PGAP1: variants seen among roughly 807,000 people sequenced by gnomAD.
PGAP1 encodes GPI inositol-deacylase.
A neutral mutation model predicts 127.0 loss-of-function variants in PGAP1; 76 were observed. That is an observed-to-expected ratio of 0.60 (90% CI 0.50 to 0.72). PGAP1 has a LOEUF of 0.72. Ranked by LOEUF, PGAP1 falls within the 30% of genes least tolerant of loss-of-function variation. The pLI is 0.00. For missense variants in PGAP1, 982 were observed against 1,071.3 expected, an observed-to-expected ratio of 0.92 and a Z score of 1.16; for synonymous variants, 362 against 366.5, an observed-to-expected ratio of 0.99 and a Z score of 0.14.
chr2:196,874,787 G>A (rs752197860), intron 14 of PGAP1, among the ~76,000 whole-genome samples: 3 of 152,192 alleles, frequency 2.0e-5, no homozygotes, highest in African/African-American at 7.2e-5. Flanking sequence ...GCCAAGGCAT[G>A]CTGATTTCTT....
rs751714162 is a variant in PGAP1, at chr2:196,865,050, C to A, written c.1798G>T (p.Ala600Ser). 1 of 1,568,818 alleles carries A rather than the reference C, an allele frequency of 6.4e-7. No homozygotes were observed. Among genetic ancestry groups the A allele is most frequent in the South Asian group, 1.2e-5 (1 of 80,900 alleles). Residue 600 changes from alanine to serine, a missense_variant, in exon 20 of 27, where the codon GCT (alanine) becomes TCT (serine). Coordinates refer to ENST00000354764, the MANE Select transcript of PGAP1 (RefSeq NM_024989.4). Reference sequence around the variant, plus strand: ...AGAAGGATATTAGATACGACATAAGCAGGAAGAGCTCCACCATGAAATCTA... The same window carrying A: ...AGAAGGATATTAGATACGACATAAGAAGGAAGAGCTCCACCATGAAATCTA... Reference protein sequence around the residue: ...VVRFHGGALPAYVVSNILLAY... With the variant: ...VVRFHGGALPSYVVSNILLAY...
chr2:196,923,358 T>C (rs963796292), intron 1 of PGAP1, among the ~76,000 whole-genome samples: 2 of 152,214 alleles, frequency 1.3e-5, no homozygotes, highest in Non-Finnish European at 2.9e-5. Context: ...TTGCATCTTC[T>C]CTAAAGCCTT....
At position 196,897,143 on chromosome 2, in the gene PGAP1, A is replaced by G. The variant is rs755746975; in HGVS notation, c.915T>C (p.Ala305=). ...TVRAFFDLID[A]DTKQITQNSK... ...TAAAAATACATACTTGTTTAGTATC[A>G]GCATCAATAAGATCAAAGAATGCTC... Residue 305 remains alanine (A), a synonymous_variant, in exon 7 of 27, where the codon GCT becomes GCC. Coordinates refer to ENST00000354764, the MANE Select transcript of PGAP1 (RefSeq NM_024989.4). 4 of 1,565,130 alleles carry G rather than the reference A, an allele frequency of 2.6e-6. No homozygotes were observed. The highest frequency in any genetic ancestry group is 2.7e-5 in the African/African-American group (2 of 73,396).
At chr2:196,891,476 G>A (rs1702099188) in intron 9 of PGAP1, among the ~76,000 whole-genome samples, 2 of 152,088 alleles carry the variant, frequency 1.3e-5, no homozygotes, top group African/African-American at 4.8e-5. Context: ...AATATGGAAC[G>A]ATTTTAGTAT....
Position 196,844,590 on chromosome 2 carries a change from T to C in PGAP1, c.2287-16A>G. 6.4e-7 allele frequency: 1 copy of C among 1,563,976 alleles called. No homozygotes were observed. Among genetic ancestry groups the C allele is most frequent in the African/African-American group, 1.4e-5 (1 of 72,972 alleles). ...GATGAACAACCTAAGAAAAATAAAT[T>C]GCTCTTTAATTTTACTTTTATTTTG... On this transcript the variant is annotated splice_polypyrimidine_tract_variant and intron_variant, in intron 23 of 26. Coordinates refer to ENST00000354764, the MANE Select transcript of PGAP1 (RefSeq NM_024989.4).
chr2:196,845,896 A>G lies in PGAP1; in HGVS notation c.2272T>C (p.Tyr758His), dbSNP rs1254451848. The change falls in exon 23 of 27, where the codon TAC becomes CAC. Residue 758 changes from tyrosine to histidine, a missense_variant. Coordinates refer to ENST00000354764, the MANE Select transcript of PGAP1 (RefSeq NM_024989.4). ...GALAILLSYL[Y>H]YVFKVVHLQA... ...ATTTGACATACCTTAAACACATAGT[A>G]AAGATAAGAAAGAAGTATGGCTAGT... is the stretch of plus-strand genomic sequence containing the variant. 2 of 1,607,730 alleles carry G rather than the reference A, an allele frequency of 1.2e-6. No homozygotes were observed. The highest frequency in any genetic ancestry group is 4.5e-5 in the East Asian group (2 of 44,648).
At position 196,873,546 on chromosome 2, in the gene PGAP1, T is replaced by C. The variant is rs777913243; in HGVS notation, c.1534A>G (p.Lys512Glu). 1.2e-6 allele frequency: 2 copies of C among 1,610,394 alleles called. No homozygotes were observed. Among genetic ancestry groups the C allele is most frequent in the Admixed American group, 3.3e-5 (2 of 59,786 alleles). ...YQAFKINVVS[K>E]CSAVKEEITS... ...TATTTACCTTTGACTGCTGAGCACT[T>C]GCTTACCACGTTGATTTTAAAAGCT... is the stretch of plus-strand genomic sequence containing the variant. Residue 512 changes from lysine to glutamate, a missense_variant, in exon 16 of 27, where the codon AAG becomes GAG. Transcript: ENST00000354764.
At chr2:196,895,765 C>T (rs1041796160) in intron 7 of PGAP1, among the ~76,000 whole-genome samples, 5 of 152,070 alleles carry the variant, frequency 3.3e-5, no homozygotes, top group African/African-American at 9.7e-5. Flanking sequence ...AGGTGCTTTC[C>T]TCATTGTTAA....
chr2:196,878,926 G>A (rs1701643940), intron 13 of PGAP1, among the ~76,000 whole-genome samples: 1 of 152,190 alleles, frequency 6.6e-6, no homozygotes, highest in Admixed American at 6.5e-5. Context: ...AGGACAATTA[G>A]GGAACAGAAT....
Position 196,840,978 on chromosome 2 carries a change from CA to C in PGAP1, c.*255del, listed in dbSNP as rs1700395444. On this transcript the variant is annotated 3_prime_UTR_variant, in exon 27 of 27. Transcript: ENST00000354764. ...ACTATTTTATATGCACAGGAGTCCT[CA>C]ATGATAGTGATCACCATATATCCCT... is the stretch of plus-strand genomic sequence containing the variant. 2 of 339,090 alleles carry C rather than the reference CA, an allele frequency of 5.9e-6. No individual in the cohort carries two copies. The highest frequency in any genetic ancestry group is 1.1e-5 in the Non-Finnish European group (2 of 187,844). The allele number at this position is 339,090 out of a possible 1,614,324, so 21.0% of individuals were successfully genotyped here. A position where few individuals can be genotyped will look rare whatever the true frequency, so the allele number is the denominator to read the frequency against.
intron 2 of PGAP1, among the ~76,000 whole-genome samples, chr2:196,917,489 T>C (rs1394184086): frequency 2.0e-5 from 3 of 152,208 alleles, no homozygotes; most frequent in African/African-American, 7.2e-5. Context: ...CTGTGCCTAC[T>C]GGCAGTCACT....
rs746596399 is a variant in PGAP1, at chr2:196,890,888, T to C, written c.1113A>G (p.Thr371=). 37 of 1,520,060 alleles carry C rather than the reference T, an allele frequency of 2.4e-5. No homozygotes were observed. The highest frequency in any genetic ancestry group is 3.1e-5 in the Non-Finnish European group (34 of 1,097,494). The allele number at this position is 1,520,060 out of a possible 1,614,324, so 94.2% of individuals were successfully genotyped here. The part of the protein sequence containing the change: ...AYNESEKIYF[T]FPLENHRKIY... ...TTTTTCTATGATTTTCAAGAGGAAA[T>C]GTAAAATATATCTTCTCAGATTCCT... Residue 371 remains threonine (T), a synonymous_variant, in exon 10 of 27, where the codon ACA becomes ACG. Coordinates refer to ENST00000354764, the MANE Select transcript of PGAP1 (RefSeq NM_024989.4).
At chr2:196,884,834 A>G (rs971194979) in intron 12 of PGAP1, among the ~76,000 whole-genome samples, 3 of 152,200 alleles carry the variant, frequency 2.0e-5, no homozygotes, top group Non-Finnish European at 4.4e-5. Flanking sequence ...ACATTTTAGG[A>G]TTATTTTGCT....
chr2:196,848,169 T>C, intron 20 of PGAP1, 132 bp from the exon 21 acceptor site: 1 of 449,198 alleles, frequency 2.2e-6, no homozygotes, highest in Non-Finnish European at 3.8e-6. Flanking sequence ...TCACAGAGAC[T>C]CTTCTTGAAA....
chr2:196,882,376 G>C (rs533397847), intron 12 of PGAP1, among the ~76,000 whole-genome samples: 43 of 152,192 alleles, frequency 2.8e-4, no homozygotes, highest in African/African-American at 1.0e-3. Flanking sequence ...GTTTTTTCTA[G>C]TTATGTGAAG....
chr2:196,902,079 A>G (rs954388535), intron 5 of PGAP1, among the ~76,000 whole-genome samples: 8 of 152,134 alleles, frequency 5.3e-5, no homozygotes, highest in African/African-American at 1.9e-4. Flanking sequence ...AGGTGCAGTG[A>G]TAAAATCACA....
chr2:196,865,133 G>A, intron 19 of PGAP1, 53 bp from the exon 20 acceptor site: 1 of 985,878 alleles, frequency 1.0e-6, no homozygotes, highest in South Asian at 1.7e-5. Context: ...GTTAATAAGT[G>A]TACTTTCACA....
chr2:196,862,414 G>A (rs903896326), intron 20 of PGAP1, among the ~76,000 whole-genome samples: 13 of 152,116 alleles, frequency 8.5e-5, no homozygotes, highest in South Asian at 4.2e-4. Flanking sequence ...AACTTCATTA[G>A]CAATTTTAAT....
Position 196,844,066 on chromosome 2 carries a change from G to A in PGAP1, c.2347C>T (p.His783Tyr), listed in dbSNP as rs1201918636. 2.6e-6 allele frequency: 4 copies of A among 1,561,550 alleles called. No homozygotes were observed. Among genetic ancestry groups the A allele is most frequent in the Non-Finnish European group, 3.5e-6 (4 of 1,147,476 alleles). ...FKNSQPVNPK[H>Y]SRRSEKKSNH... Reference sequence around the variant, plus strand: ...GATTTCTTTTCACTTCTTCTAGAGTGTTTGGGATTCTATAAAACAATAAAG... The same window carrying A: ...GATTTCTTTTCACTTCTTCTAGAGTATTTGGGATTCTATAAAACAATAAAG... The change falls in exon 25 of 27, where the codon CAC (histidine) becomes TAC (tyrosine). Residue 783 changes from histidine (H) to tyrosine (Y), a missense_variant. His to Tyr is a moderately conservative substitution (Grantham distance 83). Transcript: ENST00000354764.
Sources: gnomAD v4.1 joint callset for allele counts (sites outside exome capture counted in the v4.1 genomes callset) on GRCh38, gnomAD v4.1.1 for gene constraint, MANE v1.5 for transcripts, NCBI Gene and HGNC (gene_info 2026-07-23, HGNC 2026-07-21) for gene names.